Variants in RARS1 observed in about 807,000 individuals in gnomAD.
RARS1 encodes arginyl-tRNA synthetase 1.
Under a neutral mutation model 78.7 loss-of-function variants are expected in RARS1, and 75 were observed. That is an observed-to-expected ratio of 0.95 (90% CI 0.79 to 1.15). RARS1 has a LOEUF of 1.15. Among genes scored for constraint, RARS1 ranks in the 50% most tolerant of loss-of-function variants. The pLI, the probability that RARS1 is intolerant of heterozygous loss-of-function variation, is 0.00. For missense variants in RARS1, 787 were observed against 787.5 expected, an observed-to-expected ratio of 1.00 and a Z score of 0.01; for synonymous variants, 273 against 268.2, an observed-to-expected ratio of 1.02 and a Z score of -0.18.
intron 8 of RARS1, 48 bp from the exon 9 acceptor site, chr5:168,501,953 A>C: frequency 8.4e-6 from 13 of 1,556,850 alleles, no homozygotes; most frequent in Non-Finnish European, 9.5e-6. Context: ...CCTGTTTTTA[A>C]AAAATTCTTA....
chr5:168,498,420 T>C (rs1758245194), intron 7 of RARS1, among the ~76,000 whole-genome samples: 1 of 152,184 alleles, frequency 6.6e-6, no homozygotes, highest in Non-Finnish European at 1.5e-5. Flanking sequence ...AATTTTAAAA[T>C]GCCTATTGTG....
At chr5:168,503,757 A>G (rs1758376771) in intron 9 of RARS1, among the ~76,000 whole-genome samples, 1 of 152,094 alleles carries the variant, frequency 6.6e-6, no homozygotes, top group African/African-American at 2.4e-5. Context: ...TCTAGGGCCT[A>G]GGGACCATAC....
intron 9 of RARS1, among the ~76,000 whole-genome samples, 158 bp from the exon 10 acceptor site, chr5:168,505,863 A>T (rs1157753642): frequency 6.6e-6 from 1 of 152,168 alleles, no homozygotes; most frequent in Non-Finnish European, 1.5e-5. Context: ...CTAATAGATC[A>T]TGGTGAGGAA....
intron 9 of RARS1, among the ~76,000 whole-genome samples, chr5:168,505,591 AG>A (rs972956681): frequency 2.0e-5 from 3 of 151,830 alleles, no homozygotes; most frequent in African/African-American, 7.3e-5. Flanking sequence ...AGAGTTTGGG[AG>A]GCCAGGCATG....
rs545073267 is a variant in RARS1, at chr5:168,488,562, G to C, written c.46-40G>C. 90 of 1,571,530 alleles carry C rather than the reference G, an allele frequency of 5.7e-5. 1 individual carries two copies. In the South Asian group the frequency reaches 9.6e-4, roughly 17 times the overall value. On this transcript the variant is annotated intron_variant, in intron 1 of 14. Coordinates refer to ENST00000231572, the MANE Select transcript of RARS1 (RefSeq NM_002887.4). ...CTTGGTAGAGAGGGGAAATGTGGAAGTAAGTTTATGGACTGAAAAAAGTGC... is the reference window on the plus strand; with the variant it reads ...CTTGGTAGAGAGGGGAAATGTGGAACTAAGTTTATGGACTGAAAAAAGTGC...
Position 168,488,618 on chromosome 5 carries a change from C to G in RARS1, c.62C>G (p.Ser21Cys). The change falls in exon 2 of 15, where the codon TCT becomes TGT. Residue 21 changes from serine to cysteine, a missense_variant. Transcript: ENST00000231572. ...TTCCCACAGGAAGAAGAGATTAAAT[C>G]TCTGACTGCTGAAATTGACCGGTTG... ...RLLQQEEEIK[S>C]LTAEIDRLKN... 1 of 1,608,008 alleles carries G rather than the reference C, an allele frequency of 6.2e-7. No individual in the cohort carries two copies.
At chr5:168,502,659 C>A (rs1480219338) in intron 9 of RARS1, among the ~76,000 whole-genome samples, 1 of 150,284 alleles carries the variant, frequency 6.7e-6, no homozygotes. Flanking sequence ...GCAACCTCCG[C>A]CTCCTGGGTT....
rs757835890 is a variant in RARS1 at position 168,495,461 on chromosome 5, A to G, written c.701+25A>G. 6.9e-6 allele frequency: 11 copies of G among 1,593,724 alleles called. No individual in the cohort carries two copies. In the South Asian group the frequency reaches 1.2e-4, roughly 18 times the overall value. On this transcript the variant is annotated intron_variant, in intron 6 of 14. Coordinates refer to ENST00000231572, the MANE Select transcript of RARS1 (RefSeq NM_002887.4). The stretch of plus-strand genomic sequence containing the variant: ...GGTATGTGCTCTTGCCTTGCGTACT[A>G]TTCTCTTTCCTTATTTTCTTGTTTG...
chr5:168,501,346 C>A (rs1020563452), intron 8 of RARS1, among the ~76,000 whole-genome samples: 1 of 151,562 alleles, frequency 6.6e-6, no homozygotes, highest in African/African-American at 2.4e-5. Context: ...TCAGGAAAAA[C>A]CAGAAGAAAA....
chr5:168,494,393 CA>C, intron 4 of RARS1, 156 bp from the exon 5 acceptor site: 1 of 985,366 alleles, frequency 1.0e-6, no homozygotes, highest in Non-Finnish European at 1.2e-6. Context: ...GACGGTGAGA[CA>C]GGAGCTTACA....
rs149294371 is a variant in RARS1 at position 168,519,124 on chromosome 5, A to G, written c.1917A>G (p.Glu639=). 1.9e-4 allele frequency: 312 copies of G among 1,614,144 alleles called. No individual in the cohort carries two copies. In the African/African-American group the frequency reaches 3.4e-3, roughly 18 times the overall value. ...KVNMWRMLLC[E]AVAAVMAKGF... ...ACATGTGGCGTATGCTGCTATGTGA[A>G]GCAGTAGCTGCTGTCATGGCCAAGG... Residue 639 remains glutamate, a synonymous_variant, in exon 15 of 15, where the codon GAA becomes GAG. Coordinates refer to ENST00000231572, the MANE Select transcript of RARS1 (RefSeq NM_002887.4).
chr5:168,517,344 T>C (rs1758691240), intron 13 of RARS1, among the ~76,000 whole-genome samples: 1 of 152,194 alleles, frequency 6.6e-6, no homozygotes, highest in South Asian at 2.1e-4. Flanking sequence ...GGTTTCACCA[T>C]GTTGGCCAGG....
At chr5:168,491,946 CTTTTTTTTTTT>C (rs149780336) in intron 2 of RARS1, among the ~76,000 whole-genome samples, 9 of 102,614 alleles carry the variant, frequency 8.8e-5, no homozygotes, top group Non-Finnish European at 1.7e-4. Context: ...TGTCATTCAC[CTTTTTTTTTTT>C]TTTTTTTTTT....
intron 1 of RARS1, 35 bp from the exon 2 acceptor site, chr5:168,488,566 GT>G: frequency 1.3e-6 from 2 of 1,586,380 alleles, no homozygotes; most frequent in Admixed American, 3.7e-5. Flanking sequence ...GTGGAAGTAA[GT>G]TTATGGACTG....
rs911719825 is a variant in RARS1, at chr5:168,510,513, T to C, written c.1347-68T>C. On this transcript the variant is annotated intron_variant, in intron 11 of 14. Coordinates refer to ENST00000231572, the MANE Select transcript of RARS1 (RefSeq NM_002887.4). ...TTTTGTGGTCAGGTCTCTCAAACCTTCATTTTCAAAGATTTCTAAGTTGAA... is the reference window on the plus strand; with the variant it reads ...TTTTGTGGTCAGGTCTCTCAAACCTCCATTTTCAAAGATTTCTAAGTTGAA... The C allele has an allele frequency of 4.0e-6, 5 of 1,238,748 alleles. No individual in the cohort carries two copies. The African/African-American group carries it at 7.6e-5, about 19-fold the overall frequency. The allele number at this position is 1,238,748 out of a possible 1,614,324, so 76.7% of individuals were successfully genotyped here.
intron 12 of RARS1, among the ~76,000 whole-genome samples, chr5:168,516,093 C>A (rs923779604): frequency 6.6e-6 from 1 of 152,138 alleles, no homozygotes. Context: ...ATGATGGACT[C>A]CTTCCCAATG....
intron 9 of RARS1, among the ~76,000 whole-genome samples, chr5:168,502,383 T>TAA (rs71588659): frequency 1.5e-5 from 1 of 67,312 alleles, no homozygotes; most frequent in Non-Finnish European, 3.2e-5. Flanking sequence ...TATATATATA[T>TAA]ATTTTTTTTT....
At chr5:168,491,158 T>C (rs565572301) in intron 2 of RARS1, among the ~76,000 whole-genome samples, 1 of 152,074 alleles carries the variant, frequency 6.6e-6, no homozygotes, top group African/African-American at 2.4e-5. Context: ...TACATAAAAA[T>C]AAACAAAAAA....
intron 5 of RARS1, 132 bp from the exon 6 acceptor site, chr5:168,495,183 A>G: frequency 7.1e-7 from 1 of 1,400,312 alleles, no homozygotes; most frequent in Non-Finnish European, 9.4e-7. Flanking sequence ...TTAATGTTTA[A>G]GTCTGAGTTT....
Sources: allele counts gnomAD v4.1 joint callset (sites outside exome capture counted in the v4.1 genomes callset), GRCh38; gene constraint gnomAD v4.1.1; transcripts MANE v1.5; gene names NCBI Gene and HGNC (gene_info 2026-07-23, HGNC 2026-07-21).